TENM4: variants seen among roughly 807,000 people sequenced by gnomAD.
TENM4 encodes the protein teneurin-4.
TENM4 carries 82 observed loss-of-function variants against 243.3 expected under a neutral mutation model. The ratio of observed to expected loss-of-function variants is 0.34; its 90% CI spans 0.28 to 0.40. The LOEUF is 0.40. TENM4 is among the 10% of genes least tolerant of loss of function. The pLI is 1.00. For synonymous variants in TENM4, 1,412 were observed against 1,456.3 expected, an observed-to-expected ratio of 0.97 and a Z score of 0.69; for missense variants, 3,138 against 3,673.3, an observed-to-expected ratio of 0.85 and a Z score of 3.77.
chr11:78,824,576 A>G (rs1311645829), intron 12 of TENM4, among the ~76,000 whole-genome samples: 1 of 147,346 alleles, frequency 6.8e-6, no homozygotes, highest in Non-Finnish European at 1.5e-5. Flanking sequence ...ATCTCGGCTC[A>G]CTGCAACCTC....
chr11:78,841,131 C>G (rs1272667969), intron 12 of TENM4, among the ~76,000 whole-genome samples: 2 of 152,130 alleles, frequency 1.3e-5, no homozygotes, highest in Non-Finnish European at 2.9e-5. Context: ...ACAATTAACT[C>G]ATTTTAACTT....
chr11:78,818,075 T>C (rs1287096494), intron 12 of TENM4, among the ~76,000 whole-genome samples: 3 of 152,170 alleles, frequency 2.0e-5, no homozygotes, highest in African/African-American at 7.2e-5. Flanking sequence ...TGCCCTGGTA[T>C]TCAATCCAGA....
chr11:79,223,110 C>G (rs1864195963), intron 2 of TENM4, among the ~76,000 whole-genome samples: 1 of 151,938 alleles, frequency 6.6e-6, no homozygotes, highest in Non-Finnish European at 1.5e-5. Flanking sequence ...CAAACCTGCA[C>G]ATCCTGCACA....
At position 79,245,662 on chromosome 11, in the gene TENM4, G is replaced by A. The variant is rs548626975; in HGVS notation, c.-264-29753C>T. Among the ~76,000 whole-genome samples, 6 of 152,230 alleles carry A rather than the reference G, an allele frequency of 3.9e-5. No individual in the cohort carries two copies. The South Asian group carries it at 6.2e-4, about 16-fold the overall frequency. ...AGATAGAAAAAGAAAACAATTGGCC[G>A]GGTGCAGTGGCTCACGCTCGTAATC... On this transcript the variant is annotated intron_variant, in intron 2 of 33. Transcript: ENST00000278550.
At chr11:79,350,428 C>CTTTTTT (rs71278671) in intron 1 of TENM4, among the ~76,000 whole-genome samples, 1 of 134,500 alleles carries the variant, frequency 7.4e-6, no homozygotes, top group African/African-American at 2.8e-5. Context: ...CCTTTCTTGG[C>CTTTTTT]TTTTTTTTTT....
In TENM4 at chr11:79,426,425, C is replaced by T. The variant is rs181224442; in HGVS notation, c.-321+14084G>A. 1.6e-4 allele frequency among the ~76,000 whole-genome samples: 24 copies of T among 152,206 alleles called. No individual in the cohort carries two copies. The East Asian group carries it at 3.9e-3, about 24-fold the overall frequency. ...CTAACCTCATTGAGTCCCTGTTGCC[C>T]CTCTGGAAAATGGGAACTAACAAGA... On this transcript the variant is annotated intron_variant, in intron 1 of 33. Transcript: ENST00000278550.
At chr11:79,415,399 C>A (rs1035231313) in intron 1 of TENM4, among the ~76,000 whole-genome samples, 1 of 152,114 alleles carries the variant, frequency 6.6e-6, no homozygotes, top group African/African-American at 2.4e-5. Flanking sequence ...ATTCCGCATA[C>A]CTGAAAATAA....
At chr11:79,288,822 T>TCTA (rs538169802) in intron 2 of TENM4, among the ~76,000 whole-genome samples, 1 of 151,896 alleles carries the variant, frequency 6.6e-6, no homozygotes, top group Non-Finnish European at 1.5e-5. Context: ...AGGAGGGATG[T>TCTA]CTAAGGTGGG....
chr11:78,902,662 T>A (rs1349868748), intron 7 of TENM4, among the ~76,000 whole-genome samples: 1 of 152,228 alleles, frequency 6.6e-6, no homozygotes, highest in Non-Finnish European at 1.5e-5. Context: ...GAGGATTACA[T>A]AATGTCACAC....
At position 79,404,989 on chromosome 11, in the gene TENM4, A is replaced by G. The variant is rs540542105; in HGVS notation, c.-321+35520T>C. ...CACAGGGAGTGTGCAGCACCAGAGA[A>G]GACTGTGTGCACATGTGCATTTGTT... On this transcript the variant is annotated intron_variant, in intron 1 of 33. Coordinates refer to ENST00000278550, the MANE Select transcript of TENM4 (RefSeq NM_001098816.3). Among the ~76,000 whole-genome samples, 4 of 152,224 alleles carry G rather than the reference A, an allele frequency of 2.6e-5. No homozygotes were observed. In the East Asian group the frequency reaches 7.7e-4, roughly 29 times the overall value.
chr11:78,695,851 A>ATGTGTGTGTG (rs56816673), intron 28 of TENM4, among the ~76,000 whole-genome samples: 1 of 148,166 alleles, frequency 6.7e-6, no homozygotes, highest in African/African-American at 2.5e-5. Context: ...ATGGCTAGAA[A>ATGTGTGTGTG]TGTGTGTGTG....
At chr11:79,206,429 C>T (rs1863851228) in intron 3 of TENM4, among the ~76,000 whole-genome samples, 1 of 152,098 alleles carries the variant, frequency 6.6e-6, no homozygotes, top group South Asian at 2.1e-4. Flanking sequence ...ATAATGAGGC[C>T]CTCCCTGATT....
intron 2 of TENM4, among the ~76,000 whole-genome samples, chr11:79,234,842 C>T (rs1190941396): frequency 6.6e-6 from 1 of 152,156 alleles, no homozygotes; most frequent in African/African-American, 2.4e-5. Context: ...GGAGTGGGGC[C>T]CGCAGTGAGC....
chr11:79,163,359 A>G (rs1357493767), intron 3 of TENM4, among the ~76,000 whole-genome samples: 1 of 152,062 alleles, frequency 6.6e-6, no homozygotes, highest in Non-Finnish European at 1.5e-5. Context: ...AGCTGAAAAC[A>G]CTTGTACAAG....
chr11:79,183,113 G>A (rs1863315654), intron 3 of TENM4, among the ~76,000 whole-genome samples: 1 of 152,150 alleles, frequency 6.6e-6, no homozygotes, highest in African/African-American at 2.4e-5. Flanking sequence ...ACATGAATGT[G>A]TATAGTACTT....
chr11:79,194,943 GT>G (rs1299598874), intron 3 of TENM4, among the ~76,000 whole-genome samples: 1 of 152,196 alleles, frequency 6.6e-6, no homozygotes, highest in Non-Finnish European at 1.5e-5. Context: ...GGAAAAAGTG[GT>G]TTTGTAGGCT....
At position 79,075,872 on chromosome 11, in the gene TENM4, C is replaced by G. The variant is rs143695665; in HGVS notation, c.-65-5863G>C. Among the ~76,000 whole-genome samples the G allele has an allele frequency of 2.0e-4, 31 of 152,334 alleles. No homozygotes were observed. In the South Asian group the frequency reaches 3.9e-3, roughly 19 times the overall value. ...TTAGAGAAGAATTCATTTTCACAAACTGTTGCAGACCAGTCTAGTGCTGGG... is the reference window on the plus strand; with the variant it reads ...TTAGAGAAGAATTCATTTTCACAAAGTGTTGCAGACCAGTCTAGTGCTGGG... On this transcript the variant is annotated intron_variant, in intron 4 of 33. Transcript: ENST00000278550.
chr11:79,360,247 C>A (rs972650496), intron 1 of TENM4, among the ~76,000 whole-genome samples: 1 of 152,180 alleles, frequency 6.6e-6, no homozygotes, highest in Non-Finnish European at 1.5e-5. Flanking sequence ...GCTGGGCATA[C>A]AACAAATGCT....
At chr11:79,159,455 T>A (rs969896274) in intron 3 of TENM4, among the ~76,000 whole-genome samples, 9 of 152,244 alleles carry the variant, frequency 5.9e-5, no homozygotes, top group African/African-American at 1.7e-4. Context: ...ATAACATGGC[T>A]AGCCTGTTTT....
Sources: gnomAD v4.1 joint callset for allele counts (sites outside exome capture counted in the v4.1 genomes callset) on GRCh38, gnomAD v4.1.1 for gene constraint, MANE v1.5 for transcripts, NCBI Gene and HGNC (gene_info 2026-07-23, HGNC 2026-07-21) for gene names.